The following TOMM20L variants were observed in gnomAD, a reference collection of about 807,000 sequenced individuals.
TOMM20L encodes the protein translocase of outer mitochondrial membrane 20 like, also known as TOMM20-like protein 1.
Under a neutral mutation model 20.4 loss-of-function variants are expected in TOMM20L, and 19 were observed. That is an observed-to-expected ratio of 0.93 (90% CI 0.65 to 1.36). The LOEUF (loss-of-function observed/expected upper bound fraction) is 1.36, where lower values mean the gene tolerates loss of function less well. Ranked by LOEUF, TOMM20L falls within the 40% of genes most tolerant of loss-of-function variation. The pLI is 0.00. For missense variants in TOMM20L, 218 were observed against 203.7 expected (o/e 1.07, Z -0.43); for synonymous variants, 75 against 79.6 (o/e 0.94, Z 0.30).
intron 2 of TOMM20L, among the ~76,000 whole-genome samples, chr14:58,400,565 AATG>A (rs1281592452): frequency 2.0e-5 from 3 of 152,098 alleles, no homozygotes; most frequent in Non-Finnish European, 4.4e-5. Context: ...GGCCTTCAAT[AATG>A]GTAATATTGT....
chr14:58,408,616 A>G lies in TOMM20L; in HGVS notation c.*34A>G, dbSNP rs778360596. ...TCAACGTATCCACAGTCCAGTGAGA[A>G]TACTATGGTACCATACAGTATAAAC... On this transcript the variant is annotated 3_prime_UTR_variant, in exon 5 of 5. Transcript: ENST00000360945. 5 of 1,594,378 alleles carry G rather than the reference A, an allele frequency of 3.1e-6. No individual in the cohort carries two copies. The East Asian group carries it at 1.1e-4, about 36-fold the overall frequency.
chr14:58,416,854 T>C, the TOMM20L span, among the ~76,000 whole-genome samples: 1 of 152,196 alleles, frequency 6.6e-6, no homozygotes, highest in African/African-American at 2.4e-5. Context: ...ATGCCTGTAA[T>C]CTCAGCACTT....
chr14:58,401,196 CCTTGCCAGTGCTCA>C (rs1243594454), intron 2 of TOMM20L, among the ~76,000 whole-genome samples: 7 of 152,128 alleles, frequency 4.6e-5, no homozygotes, highest in African/African-American at 1.7e-4. Flanking sequence ...AGTGTCCTGC[CCTTGCCAGTGCTCA>C]CTAAACATCT....
intron 3 of TOMM20L, 108 bp from the exon 4 acceptor site, chr14:58,407,218 T>C (rs2036073112): frequency 1.9e-6 from 2 of 1,064,384 alleles, no homozygotes; most frequent in South Asian, 1.6e-5. Context: ...AAGTAGTCTT[T>C]AGTTGGATAT....
At chr14:58,414,423 C>G in the TOMM20L span, among the ~76,000 whole-genome samples, 1 of 152,028 alleles carries the variant, frequency 6.6e-6, no homozygotes, top group Admixed American at 6.6e-5. Flanking sequence ...TACTTTCCTC[C>G]TTTTTTCTTA....
the TOMM20L span, among the ~76,000 whole-genome samples, chr14:58,415,779 TA>T: frequency 6.6e-6 from 1 of 152,076 alleles, no homozygotes; most frequent in East Asian, 1.9e-4. Flanking sequence ...GGTAGGGTAG[TA>T]AAAGTAGTGG....
At position 58,404,527 on chromosome 14, in the gene TOMM20L, T is replaced by A. The variant is rs541730562; in HGVS notation, c.262+1766T>A. ...TTTTTTTTCAAAAGGTTTTTTTTTT[T>A]AATCTGTAAGGAGCATCCTCCAGGA... On this transcript the variant is annotated intron_variant, in intron 3 of 4. Coordinates refer to ENST00000360945, the MANE Select transcript of TOMM20L (RefSeq NM_207377.3). Among the ~76,000 whole-genome samples, 20 of 151,996 alleles carry A rather than the reference T, an allele frequency of 1.3e-4. No individual in the cohort carries two copies. In the South Asian group the frequency reaches 3.9e-3, roughly 30 times the overall value.
chr14:58,407,328 G>A lies in TOMM20L; in HGVS notation c.265G>A (p.Glu89Lys). 6.3e-7 allele frequency: 1 copy of A among 1,599,200 alleles called. No homozygotes were observed. Among genetic ancestry groups the A allele is most frequent in the South Asian group, 1.1e-5 (1 of 88,154 alleles). The part of the protein sequence containing the change: ...RMGELWLSRG[E>K]HRMGIQHLGN... ...CAAAACTTGTCATTCTGTTTCAGGA[G>A]AGCACAGAATGGGGATTCAACACCT... Residue 89 changes from glutamate to lysine, a missense_variant and splice_region_variant, in exon 4 of 5, where the codon GAG becomes AAG. Physicochemically the swap from Glu to Lys is moderately conservative, Grantham distance 56. Transcript: ENST00000360945.
chr14:58,403,750 A>G (rs988930434), intron 3 of TOMM20L, among the ~76,000 whole-genome samples: 15 of 151,900 alleles, frequency 9.9e-5, no homozygotes, highest in Admixed American at 7.9e-4. Context: ...AGGCAGGAGA[A>G]TGGTGTGAAC....
At chr14:58,402,368 A>G (rs1181518534) in intron 2 of TOMM20L, among the ~76,000 whole-genome samples, 1 of 151,864 alleles carries the variant, frequency 6.6e-6, no homozygotes, top group Non-Finnish European at 1.5e-5. Flanking sequence ...GGCCCATTGC[A>G]ACCTCTGCCT....
chr14:58,405,124 A>ACGC (rs1264358977), intron 3 of TOMM20L, among the ~76,000 whole-genome samples: 1 of 151,908 alleles, frequency 6.6e-6, no homozygotes, highest in African/African-American at 2.4e-5. Flanking sequence ...GTGCACCACC[A>ACGC]CGCCCAGCTA....
At chr14:58,398,313 T>G (rs1594995057) in intron 2 of TOMM20L, among the ~76,000 whole-genome samples, 1 of 152,244 alleles carries the variant, frequency 6.6e-6, no homozygotes, top group African/African-American at 2.4e-5. Context: ...GTGCGGTAGG[T>G]GCCCAGCAAA....
intron 2 of TOMM20L, among the ~76,000 whole-genome samples, chr14:58,397,389 T>G (rs1594994511): frequency 6.6e-6 from 1 of 152,152 alleles, no homozygotes; most frequent in Non-Finnish European, 1.5e-5. Context: ...TGAAGCCTAC[T>G]CAATTTAAAG....
the TOMM20L span, among the ~76,000 whole-genome samples, chr14:58,414,744 A>AAG: frequency 8.1e-4 from 122 of 151,404 alleles, 4 homozygotes; most frequent in South Asian, 8.4e-4. Context: ...CTCAAAAAAA[A>AAG]AAAAAAAGAA....
the TOMM20L span, among the ~76,000 whole-genome samples, chr14:58,415,512 T>G: frequency 1.3e-5 from 2 of 152,028 alleles, no homozygotes; most frequent in East Asian, 3.9e-4. Context: ...AGCAAAGAAA[T>G]AGAAGATATC....
chr14:58,402,849 C>CT, intron 3 of TOMM20L, 88 bp downstream of exon 3: 1 of 1,011,664 alleles, frequency 9.9e-7, no homozygotes. Flanking sequence ...AAATAACTAG[C>CT]TGGATGTGTT....
chr14:58,404,968 A>ATTT lies in TOMM20L; in HGVS notation c.262+2222_262+2224dup, dbSNP rs536048633. Among the ~76,000 whole-genome samples, 7 of 143,268 alleles carry ATTT rather than the reference A, an allele frequency of 4.9e-5. No homozygotes were observed. In the South Asian group the frequency reaches 6.6e-4, roughly 14 times the overall value. 94.0% of individuals were successfully genotyped at this position (143,268 alleles called of 152,430 possible). A position where few individuals can be genotyped will look rare whatever the true frequency, so the allele number is the denominator to read the frequency against. ...CATAGGCCTCTAAGGCCCCCTAGCA[A>ATTT]TTTTTTTTTTTTTTTTTGAGATGGA... On this transcript the variant is annotated intron_variant, in intron 3 of 4. Coordinates refer to ENST00000360945, the MANE Select transcript of TOMM20L (RefSeq NM_207377.3).
At chr14:58,408,272 C>G (rs1056078023) in intron 4 of TOMM20L, among the ~76,000 whole-genome samples, 3 of 151,974 alleles carry the variant, frequency 2.0e-5, no homozygotes, top group African/African-American at 7.3e-5. Context: ...CAAAAGTTAG[C>G]CGGGCATGGT....
Position 58,396,311 on chromosome 14 carries a change from G to A in TOMM20L, c.150G>A (p.Glu50=), listed in dbSNP as rs753610581. The A allele has an allele frequency of 6.2e-7, 1 of 1,613,334 alleles. No individual in the cohort carries two copies. Among genetic ancestry groups the A allele is most frequent in the Non-Finnish European group, 8.5e-7 (1 of 1,179,836 alleles). The change falls in exon 2 of 5, where the codon GAG becomes GAA. Residue 50 remains glutamate (E), a synonymous_variant. Transcript: ENST00000360945. ...KRRLRDKRRA[E]PQKAEEQGTQ... ...TTGTGTTCGCAGAAAGAAGAGCAGA[G>A]CCTCAAAAGGCTGAGGAGCAGGGCA...
Sources: allele counts gnomAD v4.1 joint callset (sites outside exome capture counted in the v4.1 genomes callset), GRCh38; gene constraint gnomAD v4.1.1; transcripts MANE v1.5; gene names NCBI Gene and HGNC (gene_info 2026-07-23, HGNC 2026-07-21).